Variants in SDK1 observed in about 807,000 individuals in gnomAD.
SDK1 encodes sidekick cell adhesion molecule 1, also known as protein sidekick-1.
SDK1 carries 157 observed loss-of-function variants against 245.5 expected under a neutral mutation model. The observed-to-expected ratio is 0.64, with a 90% CI of 0.56 to 0.73. The LOEUF (loss-of-function observed/expected upper bound fraction) is 0.73, where lower values mean the gene tolerates loss of function less well. SDK1 is among the 30% of genes least tolerant of loss of function. The pLI is 0.00. For missense variants in SDK1, 3,583 were observed against 3,002.3 expected (o/e 1.19, Z -4.52); for synonymous variants, 1,647 against 1,278.5 (o/e 1.29, Z -6.15).
At chr7:3,527,351 G>A (rs1343354176) in intron 1 of SDK1, among the ~76,000 whole-genome samples, 2 of 152,140 alleles carry the variant, frequency 1.3e-5, no homozygotes, top group Non-Finnish European at 2.9e-5. Context: ...CACGAAGCGC[G>A]ATGTGAACGT....
intron 5 of SDK1, among the ~76,000 whole-genome samples, chr7:3,932,345 T>C (rs979589752): frequency 6.6e-6 from 1 of 152,246 alleles, no homozygotes; most frequent in Non-Finnish European, 1.5e-5. Flanking sequence ...ACTTTAGATT[T>C]ATTGTCAGTG....
At chr7:4,032,525 G>C (rs1787894399) in intron 17 of SDK1, among the ~76,000 whole-genome samples, 1 of 152,016 alleles carries the variant, frequency 6.6e-6, no homozygotes, top group South Asian at 2.1e-4. Context: ...AGCAAGGCGA[G>C]GTATAAATCC....
chr7:3,962,747 G>T lies in SDK1; in HGVS notation c.1325G>T (p.Gly442Val), dbSNP rs1448173018. ...NPRYKVLASG[G>V]LRIQKLRPED... ...CGATACAAAGTGCTCGCCAGCGGAG[G>T]CCTGCGCATCCAGAAGCTGCGTCCA... is the stretch of plus-strand genomic sequence containing the variant. The change falls in exon 9 of 45, where the codon GGC (glycine) becomes GTC (valine). Residue 442 changes from glycine (G) to valine (V), a missense_variant. Transcript: ENST00000404826. The T allele has an allele frequency of 1.2e-6, 2 of 1,613,728 alleles. No individual in the cohort carries two copies.
chr7:3,510,747 GA>G (rs1228459501), intron 1 of SDK1, among the ~76,000 whole-genome samples: 2 of 152,052 alleles, frequency 1.3e-5, no homozygotes, highest in African/African-American at 4.8e-5. Flanking sequence ...TTTCTTTTCA[GA>G]CGTTTAAAGG....
At chr7:3,764,932 A>G (rs957936445) in intron 4 of SDK1, among the ~76,000 whole-genome samples, 10 of 152,192 alleles carry the variant, frequency 6.6e-5, no homozygotes, top group Non-Finnish European at 1.3e-4. Flanking sequence ...ATTATTTTTC[A>G]TAAAACATGT....
At chr7:3,772,074 A>T (rs1376134288) in intron 4 of SDK1, among the ~76,000 whole-genome samples, 1 of 152,164 alleles carries the variant, frequency 6.6e-6, no homozygotes, top group African/African-American at 2.4e-5. Flanking sequence ...TTTGTACTGA[A>T]GCCTGTGTCA....
intron 1 of SDK1, among the ~76,000 whole-genome samples, chr7:3,569,925 C>T (rs952898296): frequency 6.6e-6 from 1 of 152,182 alleles, no homozygotes; most frequent in Non-Finnish European, 1.5e-5. Flanking sequence ...ACCACCATCT[C>T]CTTTTCCTCT....
chr7:4,125,778 C>T (rs974523931), intron 25 of SDK1, among the ~76,000 whole-genome samples: 12 of 152,222 alleles, frequency 7.9e-5, no homozygotes, highest in African/African-American at 2.9e-4. Context: ...TTCAAAACAA[C>T]TAGCTATTGA....
intron 1 of SDK1, among the ~76,000 whole-genome samples, chr7:3,482,194 C>A (rs183388903): frequency 6.6e-6 from 1 of 152,096 alleles, no homozygotes; most frequent in African/African-American, 2.4e-5. Context: ...CCTTAAACTA[C>A]CTACCTACTA....
intron 25 of SDK1, 141 bp from the exon 26 acceptor site, chr7:4,127,240 G>T: frequency 1.5e-6 from 1 of 673,728 alleles, no homozygotes; most frequent in Non-Finnish European, 2.7e-6. Context: ...TTATACTCCT[G>T]TAGGTTTAAT....
chr7:3,975,935 GT>G (rs1782912596), intron 13 of SDK1, among the ~76,000 whole-genome samples: 1 of 141,084 alleles, frequency 7.1e-6, no homozygotes, highest in Non-Finnish European at 1.6e-5. Flanking sequence ...ATCACTGAGG[GT>G]CCCGGGGCTG....
intron 4 of SDK1, among the ~76,000 whole-genome samples, chr7:3,650,273 G>C (rs1051537606): frequency 2.0e-5 from 3 of 152,116 alleles, no homozygotes; most frequent in Non-Finnish European, 2.9e-5. Flanking sequence ...TCCATTCACA[G>C]TGTTGTGCAA....
intron 1 of SDK1, among the ~76,000 whole-genome samples, chr7:3,522,843 G>C (rs544940782): frequency 1.3e-5 from 2 of 152,024 alleles, no homozygotes; most frequent in African/African-American, 4.8e-5. Flanking sequence ...GGTGAGGTTC[G>C]CTATTCACAT....
chr7:4,265,483 T>A lies in SDK1; in HGVS notation c.*99T>A. 7.3e-7 allele frequency: 1 copy of A among 1,368,350 alleles called. No individual in the cohort carries two copies. Among genetic ancestry groups the A allele is most frequent in the Non-Finnish European group, 9.4e-7 (1 of 1,068,976 alleles). The allele number at this position is 1,368,350 out of a possible 1,614,324, so 84.8% of individuals were successfully genotyped here. A position where few individuals can be genotyped will look rare whatever the true frequency, so the allele number is the denominator to read the frequency against. On this transcript the variant is annotated 3_prime_UTR_variant, in exon 45 of 45. Transcript: ENST00000404826. ...TCCAATAACTGAGCTGAAGTTTTTG[T>A]TTAAAAAGAAAAAAATCTGATAAGT...
chr7:3,767,064 G>A lies in SDK1; in HGVS notation c.714-54386G>A, dbSNP rs112168205. Among the ~76,000 whole-genome samples the A allele has an allele frequency of 6.6e-3, 1,004 of 152,328 alleles. 16 individuals are homozygous for A. The highest frequency in any genetic ancestry group is 0.022 in the African/African-American group (932 of 41,572). On this transcript the variant is annotated intron_variant, in intron 4 of 44. Transcript: ENST00000404826. Reference sequence around the variant, plus strand: ...AAGAGCTAGGAAGGAAGTAGGGATTGTGTATCCAGCTGGGAGAAGTTTGAA... The same window carrying A: ...AAGAGCTAGGAAGGAAGTAGGGATTATGTATCCAGCTGGGAGAAGTTTGAA...
intron 1 of SDK1, among the ~76,000 whole-genome samples, chr7:3,340,758 C>A (rs563820772): frequency 8.1e-6 from 1 of 123,098 alleles, no homozygotes; most frequent in East Asian, 2.2e-4. Flanking sequence ...CAGAGCAAGA[C>A]CCCGTCTCAA....
rs1779240203 is a variant in SDK1, at chr7:3,301,257, T to C, written c.-330T>C. 6.9e-6 allele frequency among the ~76,000 whole-genome samples: 1 copy of C among 144,506 alleles called. No homozygotes were observed. Among genetic ancestry groups the C allele is most frequent in the Admixed American group, 6.8e-5 (1 of 14,756 alleles). The allele number at this position is 144,506 out of a possible 152,430, so 94.8% of individuals were successfully genotyped here. A position where few individuals can be genotyped will look rare whatever the true frequency, so the allele number is the denominator to read the frequency against. ...ACCGCGACGTGCGGGCGGGCGCACT[T>C]TCTTCTCAGCGCCGGGCGGGGGCGG... On this transcript the variant is annotated 5_prime_UTR_variant, in exon 1 of 45. Transcript: ENST00000404826.
rs10247342 is a variant in SDK1, at chr7:3,780,923, C to T, written c.714-40527C>T. Among the ~76,000 whole-genome samples, 846 of 152,142 alleles carry T rather than the reference C, an allele frequency of 5.6e-3. 9 individuals are homozygous for T. Among genetic ancestry groups the T allele is most frequent in the African/African-American group, 0.02 (812 of 41,506 alleles). On this transcript the variant is annotated intron_variant, in intron 4 of 44. Transcript: ENST00000404826. Reference sequence around the variant, plus strand: ...GTTAGATCAGCTTTACCTAGGAAGGCAAGCAGTAGTTCCACTCAGCCCAAA... The same window carrying T: ...GTTAGATCAGCTTTACCTAGGAAGGTAAGCAGTAGTTCCACTCAGCCCAAA...
intron 1 of SDK1, among the ~76,000 whole-genome samples, chr7:3,353,919 G>A (rs187615741): frequency 2.4e-4 from 37 of 152,052 alleles, no homozygotes; most frequent in African/African-American, 6.8e-4. Context: ...TGAAAGTTAC[G>A]TAACTGACTT....
Sources: gnomAD v4.1 joint callset for allele counts (sites outside exome capture counted in the v4.1 genomes callset) on GRCh38, gnomAD v4.1.1 for gene constraint, MANE v1.5 for transcripts, NCBI Gene and HGNC (gene_info 2026-07-23, HGNC 2026-07-21) for gene names.